PTBP2: variants seen among roughly 807,000 people sequenced by gnomAD.
The protein encoded by PTBP2 is polypyrimidine tract-binding protein 2.
PTBP2 carries 13 observed loss-of-function variants against 61.4 expected under a neutral mutation model. That is an observed-to-expected ratio of 0.21 (90% CI 0.14 to 0.34). The LOEUF is 0.34. Ranked by LOEUF, PTBP2 falls within the 10% of genes least tolerant of loss-of-function variation. PTBP2 has a pLI of 1.00. For missense variants in PTBP2, 405 were observed against 642.6 expected, an observed-to-expected ratio of 0.63 and a Z score of 4.00; for synonymous variants, 215 against 218.5, an observed-to-expected ratio of 0.98 and a Z score of 0.14.
At chr1:96,806,753 T>C in intron 10 of PTBP2, 113 bp from the exon 11 acceptor site, 2 of 756,480 alleles carry the variant, frequency 2.6e-6, no homozygotes, top group Non-Finnish European at 2.2e-6. Context: ...TGAGATTGAG[T>C]GATCATGTTG....
intron 3 of PTBP2, among the ~76,000 whole-genome samples, chr1:96,760,948 A>G (rs1019827026): frequency 2.6e-5 from 4 of 152,348 alleles, no homozygotes; most frequent in African/African-American, 7.2e-5. Context: ...ATCATATAGT[A>G]TATTACTACT....
downstream of PTBP2, chr1:96,818,142 C>T (rs575759755): frequency 7.9e-5 from 12 of 152,166 alleles, no homozygotes; most frequent in Middle Eastern, 3.4e-3. Flanking sequence ...GCACTTCTCT[C>T]GCTTTTCTTC....
chr1:96,794,167 C>T (rs1660134350), intron 8 of PTBP2, among the ~76,000 whole-genome samples: 1 of 152,042 alleles, frequency 6.6e-6, no homozygotes, highest in Admixed American at 6.6e-5. Context: ...TGTGACAATC[C>T]GTTGATACTT....
At chr1:96,762,246 A>G (rs1253238513) in intron 3 of PTBP2, among the ~76,000 whole-genome samples, 5 of 150,126 alleles carry the variant, frequency 3.3e-5, no homozygotes, top group African/African-American at 1.2e-4. Context: ...GCTGTTGGGT[A>G]CACCTCCCAG....
At chr1:96,809,572 G>C (rs1475791966) in intron 11 of PTBP2, among the ~76,000 whole-genome samples, 2 of 152,026 alleles carry the variant, frequency 1.3e-5, no homozygotes, top group African/African-American at 4.8e-5. Context: ...GAGTGCAGTG[G>C]TGCTATTGTG....
chr1:96,738,942 TAAC>T (rs1481897660), intron 2 of PTBP2, among the ~76,000 whole-genome samples: 19 of 152,320 alleles, frequency 1.2e-4, no homozygotes, highest in Admixed American at 3.9e-4. Flanking sequence ...ATAGTAGAAA[TAAC>T]AACTGTTCAG....
intron 3 of PTBP2, among the ~76,000 whole-genome samples, chr1:96,766,018 C>A (rs531983793): frequency 6.6e-6 from 1 of 152,022 alleles, no homozygotes; most frequent in Non-Finnish European, 1.5e-5. Flanking sequence ...TGATCCTTGC[C>A]GACACCCATT....
intron 5 of PTBP2, among the ~76,000 whole-genome samples, chr1:96,773,051 G>T (rs905637870): frequency 2.0e-5 from 3 of 151,204 alleles, no homozygotes; most frequent in East Asian, 1.9e-4. Flanking sequence ...TTGAACCCGG[G>T]GGGGTGGAGC....
chr1:96,769,411 T>C (rs941316717), intron 3 of PTBP2, among the ~76,000 whole-genome samples: 12 of 152,040 alleles, frequency 7.9e-5, no homozygotes, highest in Admixed American at 3.3e-4. Flanking sequence ...TTGGACAGTT[T>C]CTTTATGAGA....
In PTBP2 at chr1:96,811,596, T is replaced by C. The variant is rs890023644; in HGVS notation, c.1172-1116T>C. On this transcript the variant is annotated intron_variant, in intron 11 of 13. Transcript: ENST00000674951. ...CACGCCCAGCTAATTTTTGTATTTT[T>C]AGTAGAGATGGGGTGTTACCATATT... Among the ~76,000 whole-genome samples the C allele has an allele frequency of 3.9e-5, 6 of 152,118 alleles. 1 individual carries two copies. Among genetic ancestry groups the C allele is most frequent in the African/African-American group, 1.4e-4 (6 of 41,420 alleles).
downstream of PTBP2, chr1:96,818,182 A>C (rs1011664080): frequency 1.3e-5 from 2 of 152,136 alleles, no homozygotes; most frequent in African/African-American, 4.8e-5. Context: ...TTCAATGGAC[A>C]GAAAGACTAT....
intron 5 of PTBP2, among the ~76,000 whole-genome samples, chr1:96,772,650 TGTAA>T (rs1351392949): frequency 6.6e-6 from 1 of 152,218 alleles, no homozygotes; most frequent in African/African-American, 2.4e-5. Context: ...AGATTACATA[TGTAA>T]GTGAGATAAT....
At chr1:96,773,050 G>C (rs1045861940) in intron 5 of PTBP2, among the ~76,000 whole-genome samples, 1 of 151,130 alleles carries the variant, frequency 6.6e-6, no homozygotes, top group Admixed American at 6.6e-5. Context: ...CTTGAACCCG[G>C]GGGGGTGGAG....
chr1:96,759,673 TGACTC>T (rs774417260), intron 3 of PTBP2, among the ~76,000 whole-genome samples: 50 of 152,294 alleles, frequency 3.3e-4, no homozygotes, highest in Non-Finnish European at 6.5e-4. Context: ...TATATAAACT[TGACTC>T]CATCAAAATG....
At chr1:96,785,347 C>T (rs1392668111) in intron 8 of PTBP2, 93 bp downstream of exon 8, 3 of 1,016,348 alleles carry the variant, frequency 3.0e-6, no homozygotes, top group Non-Finnish European at 4.1e-6. Context: ...TTGGACCTTA[C>T]CAAATTGTGT....
chr1:96,790,604 G>GAAT (rs1557757790), intron 8 of PTBP2, among the ~76,000 whole-genome samples: 9 of 152,040 alleles, frequency 5.9e-5, no homozygotes, highest in African/African-American at 2.2e-4. Context: ...AATTCAATTT[G>GAAT]TGCAGGACAA....
Position 96,820,211 on chromosome 1 carries a change from G to A in PTBP2, c.*6806G>A, listed in dbSNP as rs536963215. 4.0e-5 allele frequency: 6 copies of A among 151,816 alleles called. No individual in the cohort carries two copies. The East Asian group carries it at 1.2e-3, about 29-fold the overall frequency. 9.4% of individuals were successfully genotyped at this position (151,816 alleles called of 1,614,324 possible). Reference sequence around the variant, plus strand: ...TTTTCTTTTCCTCTAATTGGGGGTGGGGGCAGTTTTTGGCATTCTATTTAT... The same window carrying A: ...TTTTCTTTTCCTCTAATTGGGGGTGAGGGCAGTTTTTGGCATTCTATTTAT... On this transcript the variant is annotated 3_prime_UTR_variant, in exon 14 of 14. Transcript: ENST00000609116.
At chr1:96,822,805 CTG>C (rs1194042588) in exon 14 of PTBP2, 1 of 152,112 alleles carries the variant, frequency 6.6e-6, no homozygotes, top group African/African-American at 2.4e-5. Context: ...CCATGCCTCT[CTG>C]TGTGATAAGG....
chr1:96,734,138 T>C (rs1651819485), intron 2 of PTBP2, among the ~76,000 whole-genome samples: 1 of 152,172 alleles, frequency 6.6e-6, no homozygotes, highest in Non-Finnish European at 1.5e-5. Context: ...AAAACTATTA[T>C]AATGAATTTT....
Sources: allele counts gnomAD v4.1 joint callset (sites outside exome capture counted in the v4.1 genomes callset), GRCh38; gene constraint gnomAD v4.1.1; transcripts MANE v1.5; gene names NCBI Gene and HGNC (gene_info 2026-07-23, HGNC 2026-07-21).